Variants in TENM2 observed in about 807,000 individuals in gnomAD.
The protein encoded by TENM2 is teneurin-2.
A neutral mutation model predicts 245.2 loss-of-function variants in TENM2; 52 were observed. The observed-to-expected ratio is 0.21, with a 90% CI of 0.17 to 0.27. The LOEUF is 0.27. Ranked by LOEUF, TENM2 falls within the 10% of genes least tolerant of loss-of-function variation. The probability of loss-of-function intolerance (pLI) is 1.00; values close to 1 mark genes in which losing one functional copy is unlikely to be tolerated. For synonymous variants in TENM2, 1,363 were observed against 1,438.9 expected, an observed-to-expected ratio of 0.95 and a Z score of 1.19; for missense variants, 3,046 against 3,666.8, an observed-to-expected ratio of 0.83 and a Z score of 4.37.
At chr5:167,857,266 G>A (rs1040885275) in intron 2 of TENM2, among the ~76,000 whole-genome samples, 14 of 152,116 alleles carry the variant, frequency 9.2e-5, no homozygotes, top group African/African-American at 1.4e-4. Context: ...CTTGAATTTC[G>A]CTCTTTTTCC....
chr5:167,778,689 T>G (rs935262893), intron 2 of TENM2, among the ~76,000 whole-genome samples: 6 of 152,160 alleles, frequency 3.9e-5, no homozygotes, highest in Non-Finnish European at 8.8e-5. Flanking sequence ...ACAGCAAAAT[T>G]TATCATTGTT....
intron 2 of TENM2, among the ~76,000 whole-genome samples, chr5:167,736,476 G>T (rs1466291327): frequency 6.6e-6 from 1 of 152,042 alleles, no homozygotes; most frequent in African/African-American, 2.4e-5. Context: ...GGTCAAAAAT[G>T]CAACATCCTC....
At chr5:167,141,149 AG>A in the TENM2 span, among the ~76,000 whole-genome samples, 1 of 152,180 alleles carries the variant, frequency 6.6e-6, no homozygotes, top group Non-Finnish European at 1.5e-5. Flanking sequence ...TTAGGAGGGA[AG>A]GGGGACCACA....
the TENM2 span, among the ~76,000 whole-genome samples, chr5:167,035,021 GT>G: frequency 2.0e-5 from 3 of 152,100 alleles, no homozygotes; most frequent in Non-Finnish European, 4.4e-5. Flanking sequence ...TAAACAATCA[GT>G]TTTTCATAGA....
intron 17 of TENM2, among the ~76,000 whole-genome samples, chr5:168,200,599 G>T (rs968209204): frequency 1.3e-5 from 2 of 152,184 alleles, no homozygotes; most frequent in African/African-American, 2.4e-5. Flanking sequence ...TGGGAGAGAG[G>T]TGGTCAGGGG....
chr5:168,058,990 G>A (rs184790149), intron 6 of TENM2, among the ~76,000 whole-genome samples: 29 of 152,288 alleles, frequency 1.9e-4, no homozygotes, highest in South Asian at 1.9e-3. Context: ...AAAAGAAGCA[G>A]AGCCAGGATT....
intron 2 of TENM2, among the ~76,000 whole-genome samples, chr5:167,387,517 T>C (rs1709344681): frequency 1.3e-5 from 2 of 152,148 alleles, no homozygotes; most frequent in Non-Finnish European, 1.5e-5. Flanking sequence ...TATTTCTTTC[T>C]CTTGTCTGAT....
the TENM2 span, among the ~76,000 whole-genome samples, chr5:167,006,018 G>A: frequency 1.3e-5 from 2 of 152,002 alleles, no homozygotes; most frequent in Admixed American, 6.6e-5. Flanking sequence ...CGTGGAAGGA[G>A]GTAGGACATG....
intron 2 of TENM2, among the ~76,000 whole-genome samples, chr5:167,584,584 G>A (rs192169461): frequency 7.9e-5 from 12 of 152,280 alleles, no homozygotes; most frequent in South Asian, 2.1e-4. Context: ...TGGGCATGAA[G>A]AGGTGGGGTT....
chr5:167,084,325 A>C, the TENM2 span, among the ~76,000 whole-genome samples: 1 of 94,734 alleles, frequency 1.1e-5, no homozygotes, highest in East Asian at 3.1e-4. Flanking sequence ...AAGCCATTTT[A>C]GTTATATATA....
At chr5:167,222,916 C>T in the TENM2 span, among the ~76,000 whole-genome samples, 1 of 152,048 alleles carries the variant, frequency 6.6e-6, no homozygotes, top group Non-Finnish European at 1.5e-5. Flanking sequence ...TTTCTATGTG[C>T]ATGCCATTAT....
the TENM2 span, among the ~76,000 whole-genome samples, chr5:167,143,710 T>G: frequency 6.6e-6 from 1 of 152,268 alleles, no homozygotes; most frequent in South Asian, 2.1e-4. Context: ...ATGGGAGCTT[T>G]ACATCATGCA....
chr5:167,646,391 A>G (rs1034753187), intron 2 of TENM2, among the ~76,000 whole-genome samples: 2 of 151,704 alleles, frequency 1.3e-5, no homozygotes, highest in African/African-American at 4.8e-5. Flanking sequence ...TTATTGAAGC[A>G]CTGGCTTACT....
chr5:168,139,711 C>T (rs796251590), intron 12 of TENM2, among the ~76,000 whole-genome samples: 32 of 152,208 alleles, frequency 2.1e-4, no homozygotes, highest in Non-Finnish European at 3.8e-4. Context: ...GCGAGAATGA[C>T]GTAAAGTGGG....
intron 2 of TENM2, among the ~76,000 whole-genome samples, chr5:167,702,552 G>GTGTATATATATATATATATATATACA (rs58351767): frequency 2.2e-5 from 3 of 136,780 alleles, no homozygotes; most frequent in Non-Finnish European, 3.1e-5. Flanking sequence ...GTGTGTGTGT[G>GTGTATATATATATATATATATATACA]TATATATATA....
chr5:168,076,075 C>A (rs1791439473), intron 7 of TENM2, among the ~76,000 whole-genome samples: 1 of 152,082 alleles, frequency 6.6e-6, no homozygotes, highest in Non-Finnish European at 1.5e-5. Context: ...GTGGCTTATT[C>A]CTTTTATTAG....
At chr5:167,619,399 A>T (rs1413905472) in intron 2 of TENM2, among the ~76,000 whole-genome samples, 1 of 152,094 alleles carries the variant, frequency 6.6e-6, no homozygotes, top group East Asian at 1.9e-4. Context: ...CAAGGCATAA[A>T]ATTTGGTGGA....
chr5:167,117,812 A>G, the TENM2 span, among the ~76,000 whole-genome samples: 441 of 151,934 alleles, frequency 2.9e-3, 3 homozygotes, highest in African/African-American at 0.01. Context: ...AGATGTCAGG[A>G]TCATCCCCTC....
At position 167,822,621 on chromosome 5, in the gene TENM2, C is replaced by A. The variant is rs551653673; in HGVS notation, c.503-53365C>A. 1.1e-4 allele frequency among the ~76,000 whole-genome samples: 16 copies of A among 152,294 alleles called. No homozygotes were observed. The South Asian group carries it at 3.1e-3, about 30-fold the overall frequency. Reference sequence around the variant, plus strand: ...AGTTTCAGAATATATGTTCTTTCTACAGAATTCACATGTCACACTGGAGAT... The same window carrying A: ...AGTTTCAGAATATATGTTCTTTCTAAAGAATTCACATGTCACACTGGAGAT... On this transcript the variant is annotated intron_variant, in intron 2 of 28. Transcript: ENST00000518659.
Sources: allele counts gnomAD v4.1 joint callset (sites outside exome capture counted in the v4.1 genomes callset), GRCh38; gene constraint gnomAD v4.1.1; transcripts MANE v1.5; gene names NCBI Gene and HGNC (gene_info 2026-07-23, HGNC 2026-07-21).